Variants in DCC observed in about 807,000 individuals in gnomAD.
DCC encodes the protein DCC netrin 1 receptor.
Under a neutral mutation model 172.5 loss-of-function variants are expected in DCC, and 58 were observed. That is an observed-to-expected ratio of 0.34 (90% CI 0.27 to 0.42). The LOEUF (loss-of-function observed/expected upper bound fraction) is 0.42, where lower values mean the gene tolerates loss of function less well. Ranked by LOEUF, DCC falls within the 10% of genes least tolerant of loss-of-function variation. DCC has a pLI of 1.00. For missense variants in DCC, 1,740 were observed against 1,791.0 expected (o/e 0.97, Z 0.51); for synonymous variants, 709 against 644.5 (o/e 1.10, Z -1.52).
intron 12 of DCC, among the ~76,000 whole-genome samples, chr18:53,217,582 T>C (rs1339749755): frequency 1.3e-5 from 2 of 152,164 alleles, no homozygotes; most frequent in Non-Finnish European, 2.9e-5. Context: ...AATTTTTATA[T>C]CAGACTGTTT....
At chr18:53,386,760 A>G (rs12605580) in intron 16 of DCC, among the ~76,000 whole-genome samples, 65,695 of 151,990 alleles carry the variant, frequency 0.43, 16,001 homozygotes, top group Non-Finnish European at 0.56. Context: ...TAAAGGCAGT[A>G]CATAAGAGTG....
At chr18:53,420,486 G>A (rs1015152158) in intron 21 of DCC, among the ~76,000 whole-genome samples, 2 of 152,124 alleles carry the variant, frequency 1.3e-5, no homozygotes, top group Non-Finnish European at 2.9e-5. Flanking sequence ...TACTGGGTGG[G>A]TTAAACAACA....
chr18:53,515,251 C>G (rs2046319297), intron 27 of DCC, among the ~76,000 whole-genome samples: 1 of 152,104 alleles, frequency 6.6e-6, no homozygotes, highest in African/African-American at 2.4e-5. Context: ...ATTCAACAAC[C>G]TTCATGCTAA....
chr18:53,357,316 G>T (rs1356761121), intron 15 of DCC, among the ~76,000 whole-genome samples: 2 of 152,136 alleles, frequency 1.3e-5, no homozygotes, highest in Non-Finnish European at 2.9e-5. Context: ...ATCCTGTGGA[G>T]AAATGAACCT....
intron 5 of DCC, among the ~76,000 whole-genome samples, chr18:53,026,357 G>A (rs2041955156): frequency 6.6e-6 from 1 of 151,720 alleles, no homozygotes. Context: ...AGTCTTTTTA[G>A]CCATCACTTA....
chr18:52,543,435 G>A (rs767332147), intron 1 of DCC, among the ~76,000 whole-genome samples: 1 of 152,022 alleles, frequency 6.6e-6, no homozygotes, highest in Non-Finnish European at 1.5e-5. Context: ...TGTCTAATTC[G>A]TGCTGTACTG....
At chr18:52,770,596 C>T (rs1384074199) in intron 2 of DCC, among the ~76,000 whole-genome samples, 1 of 152,046 alleles carries the variant, frequency 6.6e-6, no homozygotes, top group African/African-American at 2.4e-5. Context: ...GAATGTCCTA[C>T]CAGAGTCATG....
intron 1 of DCC, among the ~76,000 whole-genome samples, chr18:52,703,181 T>C (rs1453845034): frequency 6.6e-6 from 1 of 152,200 alleles, no homozygotes; most frequent in Admixed American, 6.5e-5. Flanking sequence ...TGAATATCTC[T>C]TTCCTTCCCA....
intron 1 of DCC, among the ~76,000 whole-genome samples, chr18:52,353,798 C>T (rs1357172459): frequency 1.3e-5 from 2 of 152,134 alleles, no homozygotes; most frequent in Admixed American, 6.5e-5. Context: ...CACTAGTGTT[C>T]CTCCTGGGGA....
intron 1 of DCC, among the ~76,000 whole-genome samples, chr18:52,419,834 TG>T (rs759008227): frequency 3.9e-5 from 6 of 152,170 alleles, no homozygotes; most frequent in Non-Finnish European, 5.9e-5. Context: ...AATACATATA[TG>T]GGAATTATAT....
At chr18:52,858,699 GA>G (rs2039089877) in intron 2 of DCC, among the ~76,000 whole-genome samples, 1 of 152,174 alleles carries the variant, frequency 6.6e-6, no homozygotes, top group Admixed American at 6.5e-5. Context: ...CCCCATGGGG[GA>G]GTTCAAACTG....
Position 53,391,904 on chromosome 18 carries a change from T to C in DCC, c.2688+17T>C, listed in dbSNP as rs751884158. ...AAATACAAGGTGAAGTTCTAATTGA[T>C]AGCATGAAATTTAAAATGAACTGAC... On this transcript the variant is annotated intron_variant, in intron 17 of 28. Transcript: ENST00000442544. 6 of 1,355,776 alleles carry C rather than the reference T, an allele frequency of 4.4e-6. No homozygotes were observed. The highest frequency in any genetic ancestry group is 6.4e-6 in the Non-Finnish European group (6 of 944,442). 84.0% of individuals were successfully genotyped at this position (1,355,776 alleles called of 1,614,324 possible).
intron 12 of DCC, among the ~76,000 whole-genome samples, chr18:53,279,853 A>G (rs1375032801): frequency 6.6e-6 from 1 of 152,148 alleles, no homozygotes; most frequent in Non-Finnish European, 1.5e-5. Flanking sequence ...CAAATACTGT[A>G]TATCCTCACT....
intron 1 of DCC, among the ~76,000 whole-genome samples, chr18:52,729,604 G>T (rs982575002): frequency 6.6e-5 from 10 of 152,108 alleles, no homozygotes; most frequent in African/African-American, 2.2e-4. Context: ...CTATCTCTTT[G>T]CTGGGTTATA....
At position 53,508,403 on chromosome 18, in the gene DCC, G is replaced by T. The variant is rs545711080; in HGVS notation, c.4111+8893G>T. 2.0e-5 allele frequency among the ~76,000 whole-genome samples: 3 copies of T among 151,138 alleles called. No individual in the cohort carries two copies. The East Asian group carries it at 5.9e-4, about 30-fold the overall frequency. On this transcript the variant is annotated intron_variant, in intron 27 of 28. Coordinates refer to ENST00000442544, the MANE Select transcript of DCC (RefSeq NM_005215.4). ...AGATGAGGTTTTGTTATGTTGTCCA[G>T]GCTAGTCTCAAACTCCTGGGCTCAA... is the stretch of plus-strand genomic sequence containing the variant.
intron 1 of DCC, among the ~76,000 whole-genome samples, chr18:52,658,848 G>A (rs1824419606): frequency 6.6e-6 from 1 of 152,092 alleles, no homozygotes; most frequent in Non-Finnish European, 1.5e-5. Context: ...AAATTTTCAT[G>A]TGAAGTTTAC....
At chr18:52,797,696 G>C (rs1016069170) in intron 2 of DCC, among the ~76,000 whole-genome samples, 2 of 152,198 alleles carry the variant, frequency 1.3e-5, no homozygotes, top group African/African-American at 4.8e-5. Flanking sequence ...GGCACCAGCA[G>C]TGGTAGGTAG....
chr18:52,779,734 C>G (rs180771107), intron 2 of DCC, among the ~76,000 whole-genome samples: 22 of 152,320 alleles, frequency 1.4e-4, no homozygotes, highest in Admixed American at 1.1e-3. Context: ...ACCACACTGT[C>G]TTCCACAATG....
intron 2 of DCC, among the ~76,000 whole-genome samples, chr18:52,805,450 C>T (rs2038068062): frequency 1.3e-5 from 2 of 151,818 alleles, no homozygotes; most frequent in African/African-American, 4.8e-5. Flanking sequence ...TTGTTTTGCT[C>T]ACAAAAAGGA....
Sources: gnomAD v4.1 joint callset for allele counts (sites outside exome capture counted in the v4.1 genomes callset) on GRCh38, gnomAD v4.1.1 for gene constraint, MANE v1.5 for transcripts, NCBI Gene and HGNC (gene_info 2026-07-23, HGNC 2026-07-21) for gene names.